FTO: variants seen among roughly 807,000 people sequenced by gnomAD.
FTO encodes the protein FTO alpha-ketoglutarate dependent dioxygenase, also known as alpha-ketoglutarate-dependent dioxygenase FTO.
FTO carries 47 observed loss-of-function variants against 63.9 expected under a neutral mutation model. The observed-to-expected ratio is 0.74, with a 90% CI of 0.58 to 0.94. FTO has a LOEUF of 0.94. FTO is among the 40% of genes least tolerant of loss of function. The pLI, the probability that FTO is intolerant of heterozygous loss-of-function variation, is 0.00. For missense variants in FTO, 562 were observed against 618.1 expected, an observed-to-expected ratio of 0.91 and a Z score of 0.96; for synonymous variants, 207 against 224.4, an observed-to-expected ratio of 0.92 and a Z score of 0.69.
intron 4 of FTO, among the ~76,000 whole-genome samples, chr16:53,861,018 T>G (rs1270963155): frequency 1.3e-5 from 2 of 152,234 alleles, no homozygotes; most frequent in Non-Finnish European, 2.9e-5. Flanking sequence ...TGTAGATATA[T>G]AAAATGTTTG....
intron 8 of FTO, among the ~76,000 whole-genome samples, chr16:54,004,299 G>A (rs998639546): frequency 4.6e-5 from 7 of 152,056 alleles, no homozygotes; most frequent in Non-Finnish European, 1.0e-4. Flanking sequence ...GGCGGAGGGG[G>A]GAGGATCACT....
intron 4 of FTO, among the ~76,000 whole-genome samples, chr16:53,849,368 C>T (rs970095537): frequency 6.6e-6 from 1 of 152,194 alleles, no homozygotes; most frequent in South Asian, 2.1e-4. Flanking sequence ...ATTGGAGAAC[C>T]AGTGAGACGA....
chr16:53,783,604 TAAAAAAA>T (rs753810468), intron 1 of FTO, among the ~76,000 whole-genome samples: 68 of 68,136 alleles, frequency 1.0e-3, no homozygotes, highest in South Asian at 3.2e-3. Flanking sequence ...CAAGACTCCA[TAAAAAAA>T]AAAAAAAAAA....
At chr16:53,920,191 T>C (rs893843718) in intron 7 of FTO, among the ~76,000 whole-genome samples, 1 of 152,148 alleles carries the variant, frequency 6.6e-6, no homozygotes, top group Non-Finnish European at 1.5e-5. Flanking sequence ...GGTAAGGGCC[T>C]TATGTGTAAA....
At chr16:53,704,038 T>TGCATCCTG (rs1971784040), upstream of FTO, 1 of 865,690 alleles carries the variant, frequency 1.2e-6, no homozygotes, top group African/African-American at 1.7e-5. Flanking sequence ...GTCGCCGCGG[T>TGCATCCTG]GCATCCTGGG....
rs1322216915 is a variant in FTO at position 53,858,550 on chromosome 16, C to G, written c.895+14252C>G. Among the ~76,000 whole-genome samples, 3 of 152,328 alleles carry G rather than the reference C, an allele frequency of 2.0e-5. No homozygotes were observed. In the East Asian group the frequency reaches 5.8e-4, roughly 29 times the overall value. On this transcript the variant is annotated intron_variant, in intron 4 of 8. Coordinates refer to ENST00000471389, the MANE Select transcript of FTO (RefSeq NM_001080432.3). ...CTCAAGGTACATAACTTCCCCTCTCCTTCTCCCCTTTTTTTAGAATTAACT... is the reference window on the plus strand; with the variant it reads ...CTCAAGGTACATAACTTCCCCTCTCGTTCTCCCCTTTTTTTAGAATTAACT...
Position 53,940,408 on chromosome 16 carries a change from A to G in FTO, c.1364+6299A>G, listed in dbSNP as rs74462531. Among the ~76,000 whole-genome samples the G allele has an allele frequency of 9.2e-3, 1,400 of 152,312 alleles. 29 individuals are homozygous for G. The highest frequency in any genetic ancestry group is 0.032 in the African/African-American group (1,334 of 41,558). On this transcript the variant is annotated intron_variant, in intron 8 of 8. Transcript: ENST00000471389. Reference sequence around the variant, plus strand: ...TGAGGTTCCAAATGGGGCTGTCATTAAATTGCAGCAGTGCACGTTTCCCCG... The same window carrying G: ...TGAGGTTCCAAATGGGGCTGTCATTGAATTGCAGCAGTGCACGTTTCCCCG...
intron 8 of FTO, among the ~76,000 whole-genome samples, chr16:54,057,623 C>T (rs1469603613): frequency 6.6e-6 from 1 of 151,906 alleles, no homozygotes; most frequent in Non-Finnish European, 1.5e-5. Flanking sequence ...GCCACCACGC[C>T]TGGCTAATTT....
At chr16:54,049,108 G>A (rs144655722) in intron 8 of FTO, among the ~76,000 whole-genome samples, 1 of 152,082 alleles carries the variant, frequency 6.6e-6, no homozygotes, top group Non-Finnish European at 1.5e-5. Flanking sequence ...CAAACCGTAA[G>A]AAAGGTACTT....
chr16:53,789,767 T>TACACAC (rs1555634083), intron 1 of FTO, among the ~76,000 whole-genome samples: 11 of 147,718 alleles, frequency 7.4e-5, no homozygotes, highest in African/African-American at 2.7e-4. Flanking sequence ...TATATATATA[T>TACACAC]ACACACACAC....
intron 8 of FTO, among the ~76,000 whole-genome samples, chr16:54,019,545 A>T (rs2084538353): frequency 6.6e-6 from 1 of 152,190 alleles, no homozygotes; most frequent in Non-Finnish European, 1.5e-5. Context: ...CCAGGTAGTG[A>T]TCATCCTCCA....
At chr16:54,017,213 C>T (rs1027006613) in intron 8 of FTO, among the ~76,000 whole-genome samples, 9 of 152,158 alleles carry the variant, frequency 5.9e-5, no homozygotes, top group Admixed American at 1.3e-4. Flanking sequence ...TCAGAAGCAT[C>T]CATCAATTTT....
chr16:54,107,189 G>T (rs141560395), intron 8 of FTO, among the ~76,000 whole-genome samples: 1,668 of 151,780 alleles, frequency 0.011, 39 homozygotes, highest in African/African-American at 0.038. Flanking sequence ...ACTGCTTCAT[G>T]AAAGGGGCAG....
chr16:53,797,454 A>G (rs2078106044), intron 1 of FTO, among the ~76,000 whole-genome samples: 1 of 152,090 alleles, frequency 6.6e-6, no homozygotes, highest in East Asian at 1.9e-4. Flanking sequence ...CAGCATTGTG[A>G]TTTTGAGATC....
intron 1 of FTO, among the ~76,000 whole-genome samples, chr16:53,724,973 C>T (rs781459194): frequency 2.0e-5 from 3 of 152,262 alleles, no homozygotes; most frequent in African/African-American, 4.8e-5. Context: ...ATCTGCCTCT[C>T]CTAAATTCTT....
intron 1 of FTO, among the ~76,000 whole-genome samples, chr16:53,752,973 G>A (rs1206948159): frequency 6.6e-6 from 1 of 151,048 alleles, no homozygotes; most frequent in Non-Finnish European, 1.5e-5. Flanking sequence ...AAAAAACAGG[G>A]TTAGGGATAG....
intron 6 of FTO, among the ~76,000 whole-genome samples, chr16:53,886,673 T>C (rs1263312463): frequency 6.6e-6 from 1 of 152,234 alleles, no homozygotes; most frequent in African/African-American, 2.4e-5. Context: ...CAGTCCTACA[T>C]AGCAAACAAA....
At chr16:53,825,654 C>T (rs987588156) in intron 2 of FTO, among the ~76,000 whole-genome samples, 2 of 152,076 alleles carry the variant, frequency 1.3e-5, no homozygotes, top group Non-Finnish European at 2.9e-5. Context: ...GTAATTTGAG[C>T]TTGAACTTGA....
intron 8 of FTO, among the ~76,000 whole-genome samples, chr16:54,105,771 CTGTG>C (rs57782663): frequency 0.082 from 11,298 of 137,922 alleles, 511 homozygotes; most frequent in African/African-American, 0.14. Flanking sequence ...AAGTTCTAGT[CTGTG>C]TGTGTGTGTG....
Sources: gnomAD v4.1 joint callset for allele counts (sites outside exome capture counted in the v4.1 genomes callset) on GRCh38, gnomAD v4.1.1 for gene constraint, MANE v1.5 for transcripts, NCBI Gene and HGNC (gene_info 2026-07-23, HGNC 2026-07-21) for gene names.